RBFOX1: variants seen among roughly 807,000 people sequenced by gnomAD.
RBFOX1 encodes the protein RNA binding fox-1 homolog 1.
RBFOX1 carries 8 observed loss-of-function variants against 57.7 expected under a neutral mutation model. The observed-to-expected ratio is 0.14, with a 90% CI of 0.08 to 0.25. RBFOX1 has a LOEUF of 0.25. RBFOX1 is among the 10% of genes least tolerant of loss of function. RBFOX1 has a pLI of 1.00. For synonymous variants in RBFOX1, 326 were observed against 222.4 expected (o/e 1.47, Z -4.15); for missense variants, 611 against 548.5 (o/e 1.11, Z -1.14).
At chr16:6,380,426 TTTTTTTTTTTTTTTTTTTTTA>T (rs1483122441) in intron 2 of RBFOX1, among the ~76,000 whole-genome samples, 74 of 72,994 alleles carry the variant, frequency 1.0e-3, no homozygotes, top group Non-Finnish European at 1.2e-3. Context: ...TTTTTTTTTT[TTTTTTTTTTTTTTTTTTTTTA>T]GTAGAACTCA....
rs185967643 is a variant in RBFOX1 at position 5,642,836 on chromosome 16, G to A, written c.318+43875G>A. 3.9e-5 allele frequency among the ~76,000 whole-genome samples: 6 copies of A among 152,252 alleles called. No homozygotes were observed. The East Asian group carries it at 9.7e-4, about 25-fold the overall frequency. ...CTTGGTTACAGACATAATACTAGAGGCAAGGTGCTGCCTGATGACTCTGTG... is the reference window on the plus strand; with the variant it reads ...CTTGGTTACAGACATAATACTAGAGACAAGGTGCTGCCTGATGACTCTGTG... On this transcript the variant is annotated intron_variant, in intron 3 of 19. Coordinates refer to the RBFOX1 transcript ENST00000641259.
At chr16:6,292,496 T>C (rs1438721428) in intron 1 of RBFOX1, among the ~76,000 whole-genome samples, 2 of 152,154 alleles carry the variant, frequency 1.3e-5, no homozygotes, top group African/African-American at 4.8e-5. Flanking sequence ...GTTTGAATAC[T>C]GAAAGCAGCC....
chr16:6,730,445 TATCAAATTATCTA>T (rs945065450), intron 3 of RBFOX1, among the ~76,000 whole-genome samples: 1 of 23,340 alleles, frequency 4.3e-5, no homozygotes, highest in Admixed American at 9.5e-4. Context: ...TCTATCAATT[TATCAAATTATCTA>T]ATCTATCCAT....
At chr16:6,780,408 A>T (rs867434224) in intron 3 of RBFOX1, among the ~76,000 whole-genome samples, 1 of 34,706 alleles carries the variant, frequency 2.9e-5, no homozygotes, top group Non-Finnish European at 4.4e-5. Context: ...TTTTATATAT[A>T]TTTATATATA....
At chr16:7,055,528 C>T (rs2051864665) in intron 4 of RBFOX1, among the ~76,000 whole-genome samples, 1 of 152,168 alleles carries the variant, frequency 6.6e-6, no homozygotes, top group Non-Finnish European at 1.5e-5. Flanking sequence ...GCACTCTCAT[C>T]AGAAGGAAGG....
At chr16:6,356,112 C>G (rs193183195) in intron 2 of RBFOX1, among the ~76,000 whole-genome samples, 43 of 152,322 alleles carry the variant, frequency 2.8e-4, no homozygotes, top group African/African-American at 9.6e-4. Context: ...AGAAACAAAT[C>G]TCCTGTGCAG....
chr16:7,300,886 A>C (rs745947352), intron 4 of RBFOX1, among the ~76,000 whole-genome samples: 2 of 152,200 alleles, frequency 1.3e-5, no homozygotes, highest in Non-Finnish European at 2.9e-5. Flanking sequence ...TAACCATTCC[A>C]TTAAGGGTCC....
intron 3 of RBFOX1, among the ~76,000 whole-genome samples, chr16:5,639,082 G>C (rs1403371125): frequency 6.6e-6 from 1 of 152,138 alleles, no homozygotes; most frequent in Non-Finnish European, 1.5e-5. Flanking sequence ...TTCTTAATCT[G>C]TGAGATTTCC....
intron 3 of RBFOX1, among the ~76,000 whole-genome samples, chr16:6,967,091 C>G (rs2084421688): frequency 6.6e-6 from 1 of 152,178 alleles, no homozygotes; most frequent in Admixed American, 6.5e-5. Flanking sequence ...ACCCATCATT[C>G]TATTTGTCTA....
intron 4 of RBFOX1, among the ~76,000 whole-genome samples, chr16:5,927,912 CAG>C (rs1261425511): frequency 1.3e-5 from 2 of 152,028 alleles, no homozygotes; most frequent in Non-Finnish European, 2.9e-5. Context: ...ATCCTGGAAA[CAG>C]AGAGTAGAAT....
At chr16:6,518,689 C>T (rs1480781552) in intron 2 of RBFOX1, among the ~76,000 whole-genome samples, 1 of 152,082 alleles carries the variant, frequency 6.6e-6, no homozygotes, top group Non-Finnish European at 1.5e-5. Flanking sequence ...TGAATTTTAT[C>T]TATGTATGTA....
At chr16:5,393,656 A>T (rs1304014358) in intron 1 of RBFOX1, among the ~76,000 whole-genome samples, 3 of 151,816 alleles carry the variant, frequency 2.0e-5, no homozygotes, top group African/African-American at 7.3e-5. Context: ...TGCTCTTTTC[A>T]AAAAAAGGAG....
At chr16:5,595,812 A>T (rs2151194741) in intron 2 of RBFOX1, among the ~76,000 whole-genome samples, 1 of 152,274 alleles carries the variant, frequency 6.6e-6, no homozygotes, top group Middle Eastern at 3.4e-3. Context: ...TTGGGCACAG[A>T]GCTTGCTGCT....
intron 4 of RBFOX1, chr16:7,332,918 C>G: frequency 6.3e-6 from 10 of 1,597,022 alleles, no homozygotes; most frequent in South Asian, 3.4e-5. Context: ...CTTTGTAGTT[C>G]GGAAGAAGTT....
chr16:6,904,026 C>T (rs886153856), intron 3 of RBFOX1, among the ~76,000 whole-genome samples: 2 of 152,092 alleles, frequency 1.3e-5, no homozygotes, highest in African/African-American at 4.8e-5. Context: ...TACAAATGCC[C>T]CCACCTGAGG....
intron 3 of RBFOX1, among the ~76,000 whole-genome samples, chr16:7,007,228 C>A (rs572886050): frequency 6.6e-6 from 1 of 152,310 alleles, no homozygotes; most frequent in South Asian, 2.1e-4. Context: ...AGCAGAAGGG[C>A]TTCTCTTAGA....
chr16:5,588,803 G>A lies in RBFOX1; in HGVS notation c.259-10099G>A, dbSNP rs181839350. Reference sequence around the variant, plus strand: ...TTTTTTGGAAGCCACTGCAACAAAAGTGATCTGAGTTCAGGCATTAGCATT... The same window carrying A: ...TTTTTTGGAAGCCACTGCAACAAAAATGATCTGAGTTCAGGCATTAGCATT... On this transcript the variant is annotated intron_variant, in intron 2 of 2. Coordinates refer to the RBFOX1 transcript ENST00000585867. Among the ~76,000 whole-genome samples, 4 of 152,324 alleles carry A rather than the reference G, an allele frequency of 2.6e-5. No individual in the cohort carries two copies. The East Asian group carries it at 7.7e-4, about 29-fold the overall frequency.
At chr16:6,226,367 C>T (rs1255308430) in intron 1 of RBFOX1, among the ~76,000 whole-genome samples, 1 of 84,316 alleles carries the variant, frequency 1.2e-5, no homozygotes, top group Non-Finnish European at 2.3e-5. Flanking sequence ...GAGTGAAACT[C>T]TGTCTCCAAA....
intron 2 of RBFOX1, among the ~76,000 whole-genome samples, chr16:6,583,629 C>G (rs766810860): frequency 6.6e-6 from 1 of 152,314 alleles, no homozygotes; most frequent in Middle Eastern, 3.4e-3. Context: ...TAGTTCTTTG[C>G]TCTCTGGCTG....
Sources: allele counts gnomAD v4.1 joint callset (sites outside exome capture counted in the v4.1 genomes callset), GRCh38; gene constraint gnomAD v4.1.1; transcripts MANE v1.5; gene names NCBI Gene and HGNC (gene_info 2026-07-23, HGNC 2026-07-21).